The following EAF2 variants were observed in gnomAD, a reference collection of about 807,000 sequenced individuals.
EAF2 encodes the protein ELL associated factor 2, also known as ELL-associated factor 2.
EAF2 carries 29 observed loss-of-function variants against 29.4 expected under a neutral mutation model. The observed-to-expected ratio is 0.99, with a 90% CI of 0.73 to 1.35. EAF2 has a LOEUF of 1.35. EAF2 is among the 40% of genes most tolerant of loss of function. The probability of loss-of-function intolerance (pLI) is 0.00; values close to 1 mark genes in which losing one functional copy is unlikely to be tolerated. For missense variants in EAF2, 292 were observed against 312.0 expected (o/e 0.94, Z 0.48); for synonymous variants, 103 against 102.5 (o/e 1.00, Z -0.03).
chr3:121,885,622 C>G (rs1405338214), intron 5 of EAF2, among the ~76,000 whole-genome samples: 1 of 152,188 alleles, frequency 6.6e-6, no homozygotes, highest in Non-Finnish European at 1.5e-5. Context: ...ATGCTCCTGC[C>G]TTGGGGCATT....
Position 121,886,179 on chromosome 3 carries a change from GTAT to G in EAF2, c.737-158_737-156del, listed in dbSNP as rs547841011. Among the ~76,000 whole-genome samples the G allele has an allele frequency of 2.6e-5, 4 of 152,170 alleles. No homozygotes were observed. The East Asian group carries it at 5.8e-4, about 22-fold the overall frequency. On this transcript the variant is annotated intron_variant, in intron 5 of 5. Transcript: ENST00000273668. Reference sequence around the variant, plus strand: ...GTGGTATATTTTTTCTTTACACACAGTATTATTTGAGTTACTAATTGTGTCACT... The same window carrying G: ...GTGGTATATTTTTTCTTTACACACAGTATTTGAGTTACTAATTGTGTCACT...
chr3:121,872,760 C>G lies in EAF2; in HGVS notation c.708C>G (p.Asp236Glu), dbSNP rs139363943. The G allele has an allele frequency of 1.5e-3, 2,398 of 1,611,848 alleles. 31 individuals carry two copies. In the African/African-American group the frequency reaches 0.029, roughly 19 times the overall value. ...ATGCCAGTCATAATAGATTTCGAGA[C>G]AACAGTGGCCTTCTGATGAATACTT... is the stretch of plus-strand genomic sequence containing the variant. ...DIDASHNRFR[D>E]NSGLLMNTLR... The change falls in exon 5 of 6, where the codon GAC becomes GAG. Residue 236 changes from aspartate (D) to glutamate (E), a missense_variant. Physicochemically the swap from Asp to Glu is conservative, Grantham distance 45. Transcript: ENST00000273668.
At chr3:121,856,131 A>G (rs978054135) in intron 3 of EAF2, among the ~76,000 whole-genome samples, 1 of 152,210 alleles carries the variant, frequency 6.6e-6, no homozygotes, top group African/African-American at 2.4e-5. Flanking sequence ...TATTGAAAGA[A>G]AAGTATATGA....
intron 5 of EAF2, among the ~76,000 whole-genome samples, chr3:121,884,552 C>T (rs565002894): frequency 5.9e-5 from 9 of 151,674 alleles, no homozygotes; most frequent in South Asian, 4.2e-4. Flanking sequence ...CTCAGCCTCC[C>T]GAGTAGCTGG....
chr3:121,866,304 C>T (rs2700414), intron 4 of EAF2, among the ~76,000 whole-genome samples: 16,901 of 152,106 alleles, frequency 0.11, 1,011 homozygotes, highest in South Asian at 0.16. Flanking sequence ...TAAACTACAG[C>T]CCACAACAGT....
chr3:121,867,873 T>C (rs1708952033), intron 4 of EAF2, among the ~76,000 whole-genome samples: 1 of 152,222 alleles, frequency 6.6e-6, no homozygotes. Context: ...GGGAATGCAT[T>C]GACAAGTCAG....
At chr3:121,866,579 G>A (rs1048131276) in intron 4 of EAF2, among the ~76,000 whole-genome samples, 1 of 151,994 alleles carries the variant, frequency 6.6e-6, no homozygotes, top group South Asian at 2.1e-4. Context: ...ACAAAAATTA[G>A]CTGGGTGTGG....
At chr3:121,842,552 G>A (rs576862579) in intron 1 of EAF2, among the ~76,000 whole-genome samples, 1 of 152,166 alleles carries the variant, frequency 6.6e-6, no homozygotes, top group Non-Finnish European at 1.5e-5. Flanking sequence ...GTAAGATGGG[G>A]TATTCACTAC....
intron 4 of EAF2, among the ~76,000 whole-genome samples, chr3:121,865,107 G>A (rs1223702186): frequency 1.3e-5 from 2 of 152,054 alleles, no homozygotes; most frequent in African/African-American, 2.4e-5. Context: ...ATAACTCAGG[G>A]AAAAGAACGT....
At position 121,873,134 on chromosome 3, in the gene EAF2, G is replaced by T. The variant is rs1576655051; in HGVS notation, c.736+346G>T. ...AAATAACTTCCTCCATGTTTCTGTT[G>T]CAGTCAATACTTATGTGTAGGTAAC... On this transcript the variant is annotated intron_variant, in intron 5 of 5. Coordinates refer to ENST00000273668, the MANE Select transcript of EAF2 (RefSeq NM_018456.6). The T allele has an allele frequency of 7.5e-6, 5 of 663,768 alleles. No individual in the cohort carries two copies. The East Asian group carries it at 1.4e-4, about 18-fold the overall frequency. The allele number at this position is 663,768 out of a possible 1,614,324, so 41.1% of individuals were successfully genotyped here.
At chr3:121,854,856 A>G in intron 3 of EAF2, 33 bp downstream of exon 3, 2 of 1,486,984 alleles carry the variant, frequency 1.3e-6, no homozygotes, top group Non-Finnish European at 1.8e-6. Flanking sequence ...TTATATTATA[A>G]ACATAAATTT....
intron 5 of EAF2, among the ~76,000 whole-genome samples, chr3:121,874,962 G>C (rs1216965673): frequency 6.6e-6 from 1 of 151,684 alleles, no homozygotes; most frequent in Non-Finnish European, 1.5e-5. Context: ...AATATAATGA[G>C]AACTTTTAGG....
At chr3:121,851,665 A>G (rs1448269268) in intron 2 of EAF2, among the ~76,000 whole-genome samples, 1 of 152,200 alleles carries the variant, frequency 6.6e-6, no homozygotes, top group Non-Finnish European at 1.5e-5. Context: ...CTTTATCTGA[A>G]TACACAGTTT....
At chr3:121,868,235 T>C (rs536275795) in intron 4 of EAF2, among the ~76,000 whole-genome samples, 75 of 152,260 alleles carry the variant, frequency 4.9e-4, no homozygotes, top group Admixed American at 9.8e-4. Context: ...ATAGAAAATA[T>C]ATACCATTTA....
At chr3:121,880,251 T>TC (rs1436756967) in intron 5 of EAF2, among the ~76,000 whole-genome samples, 1 of 151,976 alleles carries the variant, frequency 6.6e-6, no homozygotes, top group Non-Finnish European at 1.5e-5. Context: ...CAAGTGATCT[T>TC]CCCTCCCCAG....
chr3:121,874,633 T>C (rs573527879), intron 5 of EAF2, among the ~76,000 whole-genome samples: 5 of 152,094 alleles, frequency 3.3e-5, no homozygotes, highest in South Asian at 4.1e-4. Flanking sequence ...CATTGCCTTG[T>C]AGAACTTTGA....
chr3:121,837,970 A>G (rs1298605078), intron 1 of EAF2, among the ~76,000 whole-genome samples: 1 of 152,166 alleles, frequency 6.6e-6, no homozygotes, highest in Non-Finnish European at 1.5e-5. Context: ...AAGTTTGTAA[A>G]TGACACCACT....
At chr3:121,835,861 G>A (rs938231633) in intron 1 of EAF2, among the ~76,000 whole-genome samples, 6 of 152,094 alleles carry the variant, frequency 3.9e-5, no homozygotes, top group African/African-American at 1.4e-4. Flanking sequence ...CTTTGCAAAG[G>A]GAGAAATTCT....
At chr3:121,881,454 C>T (rs576242716) in intron 5 of EAF2, among the ~76,000 whole-genome samples, 2 of 152,138 alleles carry the variant, frequency 1.3e-5, no homozygotes, top group South Asian at 2.1e-4. Flanking sequence ...TATATGTCCA[C>T]AAATTTATCA....
Sources: gnomAD v4.1 joint callset for allele counts (sites outside exome capture counted in the v4.1 genomes callset) on GRCh38, gnomAD v4.1.1 for gene constraint, MANE v1.5 for transcripts, NCBI Gene and HGNC (gene_info 2026-07-23, HGNC 2026-07-21) for gene names.